The following SQOR variants were observed in gnomAD, a reference collection of about 807,000 sequenced individuals.
SQOR encodes the protein sulfide:quinone oxidoreductase, mitochondrial.
A neutral mutation model predicts 48.6 loss-of-function variants in SQOR; 39 were observed. The ratio of observed to expected loss-of-function variants is 0.80; its 90% CI spans 0.62 to 1.05. The LOEUF is 1.05. Ranked by LOEUF, SQOR falls within the 50% of genes least tolerant of loss-of-function variation. The pLI, the probability that SQOR is intolerant of heterozygous loss-of-function variation, is 0.00. For missense variants in SQOR, 561 were observed against 559.9 expected, an observed-to-expected ratio of 1.00 and a Z score of -0.02; for synonymous variants, 220 against 206.2, an observed-to-expected ratio of 1.07 and a Z score of -0.57.
At chr15:45,690,390 T>C (rs62008314) in intron 9 of SQOR, among the ~76,000 whole-genome samples, 29,914 of 152,110 alleles carry the variant, frequency 0.2, 3,033 homozygotes, top group Middle Eastern at 0.36. Flanking sequence ...TAAAAGCTGA[T>C]GACCTCCTTT....
At chr15:45,686,447 C>T (rs1229254313) in intron 7 of SQOR, among the ~76,000 whole-genome samples, 6 of 152,040 alleles carry the variant, frequency 3.9e-5, no homozygotes, top group South Asian at 4.1e-4. Flanking sequence ...CCACCGCGCC[C>T]GGCCTCATTT....
At chr15:45,655,945 A>G (rs1452565342) in intron 1 of SQOR, among the ~76,000 whole-genome samples, 1 of 151,250 alleles carries the variant, frequency 6.6e-6, no homozygotes, top group Non-Finnish European at 1.5e-5. Flanking sequence ...TTGGCCTCCC[A>G]AAGTGCTAGG....
intron 3 of SQOR, among the ~76,000 whole-genome samples, chr15:45,668,006 G>A (rs545622552): frequency 1.7e-3 from 248 of 142,842 alleles, no homozygotes; most frequent in African/African-American, 5.4e-3. Flanking sequence ...GTGCAGTGGC[G>A]TGATCTTGGC....
At chr15:45,654,854 T>C in intron 1 of SQOR, among the ~76,000 whole-genome samples, 1 of 152,068 alleles carries the variant, frequency 6.6e-6, no homozygotes, top group East Asian at 1.9e-4. Context: ...GGCTCACAGA[T>C]TGGTTTGATC....
Position 45,676,266 on chromosome 15 carries a change from G to A in SQOR, c.820G>A (p.Val274Ile), listed in dbSNP as rs375792269. The A allele has an allele frequency of 3.2e-5, 52 of 1,614,132 alleles. No individual in the cohort carries two copies. In the African/African-American group the frequency reaches 5.9e-4, roughly 18 times the overall value. Reference protein sequence around the residue: ...IEVRADKQEAVFENLDKPGET... With the variant: ...IEVRADKQEAIFENLDKPGET... ...AGTCCGAGCCGATAAACAAGAGGCT[G>A]TATTTGAGAACCTGGACAAACCAGG... Residue 274 changes from valine (V) to isoleucine (I), a missense_variant, in exon 6 of 10, where the codon GTA becomes ATA. Transcript: ENST00000260324.
chr15:45,650,306 T>C (rs536312694), intron 1 of SQOR, among the ~76,000 whole-genome samples: 11 of 152,340 alleles, frequency 7.2e-5, no homozygotes, highest in African/African-American at 2.4e-4. Context: ...AATCACCCTG[T>C]GGACCCTCGT....
intron 1 of SQOR, among the ~76,000 whole-genome samples, chr15:45,639,474 C>A (rs970950870): frequency 6.6e-6 from 1 of 152,228 alleles, no homozygotes; most frequent in South Asian, 2.1e-4. Flanking sequence ...TTCATGCCAC[C>A]TAGCTGGGAA....
intron 1 of SQOR, among the ~76,000 whole-genome samples, chr15:45,638,743 A>G (rs540464515): frequency 6.9e-6 from 1 of 143,904 alleles, no homozygotes; most frequent in South Asian, 2.2e-4. Context: ...AGAAAGAAAG[A>G]AAAAAAAAAA....
At chr15:45,666,375 C>T (rs897288589) in intron 3 of SQOR, among the ~76,000 whole-genome samples, 2 of 152,120 alleles carry the variant, frequency 1.3e-5, no homozygotes, top group African/African-American at 2.4e-5. Context: ...TCTTTCTTGT[C>T]CATTGTTTTA....
At chr15:45,667,011 C>CCCCTCCCT (rs767904608) in intron 3 of SQOR, among the ~76,000 whole-genome samples, 7 of 20,810 alleles carry the variant, frequency 3.4e-4, no homozygotes, top group African/African-American at 1.0e-3. Flanking sequence ...CTTCTCCTTC[C>CCCCTCCCT]CCCTCCCTCC....
chr15:45,646,849 C>G (rs144688782), intron 1 of SQOR, among the ~76,000 whole-genome samples: 1 of 152,156 alleles, frequency 6.6e-6, no homozygotes, highest in East Asian at 1.9e-4. Flanking sequence ...CAAGCAAATT[C>G]CGAGTCATTT....
At chr15:45,683,838 T>A (rs1409441753) in intron 7 of SQOR, among the ~76,000 whole-genome samples, 1 of 151,912 alleles carries the variant, frequency 6.6e-6, no homozygotes, top group African/African-American at 2.4e-5. Context: ...ATATGTATAT[T>A]ATGTATGTAT....
At position 45,676,012 on chromosome 15, in the gene SQOR, G is replaced by C. The variant is rs911534845; in HGVS notation, c.655-89G>C. On this transcript the variant is annotated intron_variant, in intron 5 of 9. Transcript: ENST00000260324. ...GGTGGCAAAAGCTAGCAAGGTCCCT[G>C]CTGAGGGTTTTAATTCTTGTCTGGA... The C allele has an allele frequency of 1.2e-5, 16 of 1,317,448 alleles. 1 individual carries two copies. Among genetic ancestry groups the C allele is most frequent in the South Asian group, 4.2e-5 (3 of 71,170 alleles). 81.6% of individuals were successfully genotyped at this position (1,317,448 alleles called of 1,614,324 possible).
chr15:45,644,664 G>A (rs685812), intron 1 of SQOR, among the ~76,000 whole-genome samples: 1 of 151,812 alleles, frequency 6.6e-6, no homozygotes, highest in Admixed American at 6.6e-5. Context: ...CTGCGTAGGT[G>A]AAGGGGCAGA....
At chr15:45,669,904 A>G in intron 3 of SQOR, 24 bp from the exon 4 acceptor site, 1 of 1,611,666 alleles carries the variant, frequency 6.2e-7, no homozygotes, top group Non-Finnish European at 8.5e-7. Context: ...TCCTGGTCTA[A>G]AATAATGTCT....
chr15:45,664,186 G>A (rs1374699923), intron 3 of SQOR, among the ~76,000 whole-genome samples: 2 of 152,084 alleles, frequency 1.3e-5, no homozygotes, highest in Admixed American at 6.5e-5. Flanking sequence ...TTTTAGACAC[G>A]TGGGTTATAT....
chr15:45,647,560 C>G lies in SQOR; in HGVS notation c.-17-11347C>G, dbSNP rs951809711. On this transcript the variant is annotated intron_variant, in intron 1 of 9. Transcript: ENST00000260324. ...CAGGCTGGTCTCGAACTCCTGAGCTCAAGCAGTGCGCCCGCCTTGGCCTCC... is the reference window on the plus strand; with the variant it reads ...CAGGCTGGTCTCGAACTCCTGAGCTGAAGCAGTGCGCCCGCCTTGGCCTCC... 3.9e-5 allele frequency among the ~76,000 whole-genome samples: 6 copies of G among 152,010 alleles called. No individual in the cohort carries two copies. The South Asian group carries it at 1.2e-3, about 32-fold the overall frequency.
intron 1 of SQOR, among the ~76,000 whole-genome samples, chr15:45,642,671 C>A (rs607541): frequency 0.26 from 39,948 of 151,984 alleles, 6,635 homozygotes; most frequent in East Asian, 0.64. Flanking sequence ...AAGTGATTCT[C>A]CTTTCAAAAT....
At chr15:45,656,393 G>A (rs569098066) in intron 1 of SQOR, among the ~76,000 whole-genome samples, 4 of 152,186 alleles carry the variant, frequency 2.6e-5, no homozygotes, top group African/African-American at 9.6e-5. Flanking sequence ...TTCACCTCCC[G>A]GGCTTGAGTG....
Sources: allele counts gnomAD v4.1 joint callset (sites outside exome capture counted in the v4.1 genomes callset), GRCh38; gene constraint gnomAD v4.1.1; transcripts MANE v1.5; gene names NCBI Gene and HGNC (gene_info 2026-07-23, HGNC 2026-07-21).